ATM: variants seen among roughly 807,000 people sequenced by gnomAD.
The protein encoded by ATM is serine-protein kinase ATM.
In ATM, 308 loss-of-function variants were observed where a neutral mutation model predicts 387.0. The observed-to-expected ratio is 0.80, with a 90% CI of 0.73 to 0.87. ATM has a LOEUF of 0.87. Ranked by LOEUF, ATM falls within the 40% of genes least tolerant of loss-of-function variation. The pLI is 0.00. For synonymous variants in ATM, 1,156 were observed against 1,187.3 expected, an observed-to-expected ratio of 0.97 and a Z score of 0.54; for missense variants, 3,312 against 3,560.9, an observed-to-expected ratio of 0.93 and a Z score of 1.78.
At position 108,321,275 on chromosome 11, in the gene ATM, G is replaced by A. The variant is rs1200420484; in HGVS notation, c.6453-26G>A. ...CCTGAAAACCTCTTCTTTATTTTCAGAGTGTCTTTTCTTTTTTGCTACTAG... is the reference window on the plus strand; with the variant it reads ...CCTGAAAACCTCTTCTTTATTTTCAAAGTGTCTTTTCTTTTTTGCTACTAG... On this transcript the variant is annotated intron_variant, in intron 44 of 62. Transcript: ENST00000675843. 5.0e-6 allele frequency: 8 copies of A among 1,613,422 alleles called. No homozygotes were observed. In the Admixed American group the frequency reaches 1.3e-4, roughly 27 times the overall value.
At chr11:108,335,312 A>T in intron 55 of ATM, 1 of 1,468,722 alleles carries the variant, frequency 6.8e-7, no homozygotes, top group Non-Finnish European at 9.1e-7. Context: ...AATCATTATT[A>T]TATGGTTGAT....
Position 108,270,680 on chromosome 11 carries a change from T to A in ATM, c.2839-384T>A, listed in dbSNP as rs4987979. On this transcript the variant is annotated intron_variant, in intron 18 of 62. Coordinates refer to ENST00000675843, the MANE Select transcript of ATM (RefSeq NM_000051.4). Reference sequence around the variant, plus strand: ...GTGTGTATGTGTGTGCATGTATGAATTTATGTTTATATACTTAAAAAAAAT... The same window carrying A: ...GTGTGTATGTGTGTGCATGTATGAAATTATGTTTATATACTTAAAAAAAAT... 6.9e-3 allele frequency among the ~76,000 whole-genome samples: 1,047 copies of A among 152,160 alleles called. 16 individuals carry two copies. Among genetic ancestry groups the A allele is most frequent in the African/African-American group, 0.023 (968 of 41,500 alleles).
At chr11:108,224,260 A>G (rs2078630385) in intron 1 of ATM, 1 of 152,212 alleles carries the variant, frequency 6.6e-6, no homozygotes, top group Non-Finnish European at 1.5e-5. Flanking sequence ...ATACAATCTG[A>G]CTACAGAGGC....
intron 59 of ATM, among the ~76,000 whole-genome samples, chr11:108,351,890 T>C (rs1431439076): frequency 6.6e-6 from 1 of 152,200 alleles, no homozygotes; most frequent in Non-Finnish European, 1.5e-5. Flanking sequence ...TTTTTCTGAC[T>C]CACTCCTTGG....
intron 23 of ATM, 125 bp from the exon 24 acceptor site, chr11:108,280,870 A>T (rs1362253437): frequency 2.6e-6 from 2 of 782,342 alleles, no homozygotes; most frequent in African/African-American, 3.5e-5. Flanking sequence ...AACTAGGATT[A>T]GTGAGTAGGA....
chr11:108,267,454 G>A (rs1343355153), intron 17 of ATM, 112 bp downstream of exon 17: 25 of 907,906 alleles, frequency 2.8e-5, no homozygotes. Context: ...TCTTAGTATA[G>A]CCTTTTAGGA....
At chr11:108,255,623 A>G (rs1008291719) in intron 13 of ATM, among the ~76,000 whole-genome samples, 5 of 151,862 alleles carry the variant, frequency 3.3e-5, no homozygotes, top group African/African-American at 1.2e-4. Flanking sequence ...ACAAGGTTTC[A>G]CCACGTTAGC....
intron 20 of ATM, 21 bp downstream of exon 20, chr11:108,271,427 G>A (rs2135555613): frequency 6.2e-7 from 1 of 1,613,554 alleles, no homozygotes; most frequent in Non-Finnish European, 8.5e-7. Context: ...TCTATTTTGT[G>A]GTCCTATTTT....
chr11:108,307,229 A>G (rs2083763086), intron 37 of ATM, among the ~76,000 whole-genome samples: 1 of 150,410 alleles, frequency 6.6e-6, no homozygotes, highest in Admixed American at 6.7e-5. Flanking sequence ...GGCTCACTGC[A>G]ACCTCTGCCC....
chr11:108,268,044 A>G (rs4987969), intron 17 of ATM, among the ~76,000 whole-genome samples: 3 of 152,290 alleles, frequency 2.0e-5, no homozygotes, highest in South Asian at 4.1e-4. Context: ...TTTTCCAGGT[A>G]GTTGCTTTTC....
intron 7 of ATM, among the ~76,000 whole-genome samples, chr11:108,246,635 A>G (rs2079860674): frequency 6.6e-6 from 1 of 152,212 alleles, no homozygotes; most frequent in Non-Finnish European, 1.5e-5. Flanking sequence ...AGGCCAGAAA[A>G]AGGCATACGG....
chr11:108,333,714 C>T (rs1020662766), intron 53 of ATM, among the ~76,000 whole-genome samples, 172 bp from the exon 54 acceptor site: 1 of 152,186 alleles, frequency 6.6e-6, no homozygotes, highest in African/African-American at 2.4e-5. Context: ...CACTGTTGAG[C>T]TTTGACTCTG....
At chr11:108,241,738 C>CTT (rs1235260816) in intron 5 of ATM, among the ~76,000 whole-genome samples, 30 of 82,084 alleles carry the variant, frequency 3.7e-4, no homozygotes, top group Admixed American at 6.5e-4. Flanking sequence ...GTCTTTCTTT[C>CTT]TTTCTTTTTT....
chr11:108,348,584 TGTAAA>T (rs1044703145), intron 59 of ATM, among the ~76,000 whole-genome samples: 30 of 151,950 alleles, frequency 2.0e-4, no homozygotes, highest in Non-Finnish European at 3.4e-4. Context: ...GTGAATGTAA[TGTAAA>T]GAAGTGTGAA....
chr11:108,231,994 T>C (rs1449805656), intron 4 of ATM, among the ~76,000 whole-genome samples: 1 of 152,220 alleles, frequency 6.6e-6, no homozygotes, highest in Non-Finnish European at 1.5e-5. Context: ...CTAATAATGC[T>C]GGGATATAGT....
chr11:108,367,722 T>C lies in ATM; in HGVS notation c.*2214T>C. On this transcript the variant is annotated 3_prime_UTR_variant, in exon 63 of 63. Coordinates refer to ENST00000675843, the MANE Select transcript of ATM (RefSeq NM_000051.4). ...CATATTTGATCTCCTCACCTTCCCCTCCCCTAAAACCAATCTCCAGAACTT... is the reference window on the plus strand; with the variant it reads ...CATATTTGATCTCCTCACCTTCCCCCCCCCTAAAACCAATCTCCAGAACTT... 1 of 216,714 alleles carries C rather than the reference T, an allele frequency of 4.6e-6. No homozygotes were observed. The highest frequency in any genetic ancestry group is 9.3e-6 in the Non-Finnish European group (1 of 107,544). The allele number at this position is 216,714 out of a possible 1,614,324, so 13.4% of individuals were successfully genotyped here.
At chr11:108,295,343 T>C in intron 32 of ATM, 1 of 372,224 alleles carries the variant, frequency 2.7e-6, no homozygotes, top group Non-Finnish European at 5.0e-6. Context: ...GTTTTTTTTT[T>C]TTTTTAAGAG....
At chr11:108,301,262 T>A (rs2083417569) in intron 34 of ATM, among the ~76,000 whole-genome samples, 1 of 152,194 alleles carries the variant, frequency 6.6e-6, no homozygotes, top group Non-Finnish European at 1.5e-5. Flanking sequence ...GTTTTTTGTA[T>A]TTTTCTTTAA....
At position 108,252,922 on chromosome 11, in the gene ATM, C is replaced by G. The variant is rs199570442; in HGVS notation, c.1898+10C>G. ...AAAGCGTGCCAGAATGGTATGTTAT[C>G]TAATAATGCTCTTTATCATTTTAAG... is the stretch of plus-strand genomic sequence containing the variant. On this transcript the variant is annotated intron_variant, in intron 12 of 62. Transcript: ENST00000675843. 10 of 1,584,984 alleles carry G rather than the reference C, an allele frequency of 6.3e-6. No individual in the cohort carries two copies. The highest frequency in any genetic ancestry group is 8.7e-6 in the Non-Finnish European group (10 of 1,154,608).
Sources: gnomAD v4.1 joint callset for allele counts (sites outside exome capture counted in the v4.1 genomes callset) on GRCh38, gnomAD v4.1.1 for gene constraint, MANE v1.5 for transcripts, NCBI Gene and HGNC (gene_info 2026-07-23, HGNC 2026-07-21) for gene names.